Variants in COA6 observed in about 807,000 individuals in gnomAD.
COA6 encodes the protein cytochrome c oxidase assembly factor 6, also known as cytochrome c oxidase assembly factor 6 homolog.
A neutral mutation model predicts 17.1 loss-of-function variants in COA6; 12 were observed. The observed-to-expected ratio is 0.70, with a 90% CI of 0.45 to 1.14. The LOEUF (loss-of-function observed/expected upper bound fraction) is 1.14. Ranked by LOEUF, COA6 falls within the 50% of genes most tolerant of loss-of-function variation. The pLI is 0.00. For synonymous variants in COA6, 90 were observed against 73.4 expected (o/e 1.23, Z -1.16); for missense variants, 246 against 196.5 (o/e 1.25, Z -1.51).
At chr1:234,376,956 T>C (rs573701784) in intron 2 of COA6, among the ~76,000 whole-genome samples, 14 of 152,034 alleles carry the variant, frequency 9.2e-5, no homozygotes, top group Admixed American at 2.6e-4. Flanking sequence ...TTATTTCTCA[T>C]AGTGTTGGAG....
At chr1:234,379,956 T>A (rs1356294107) in intron 2 of COA6, among the ~76,000 whole-genome samples, 2 of 152,162 alleles carry the variant, frequency 1.3e-5, no homozygotes, top group Non-Finnish European at 2.9e-5. Context: ...CCTAACCATA[T>A]CAGATGGTGA....
At position 234,376,710 on chromosome 1, in the gene COA6, C is replaced by G. The variant is rs531149868; in HGVS notation, c.372+2321C>G. ...TCAGGTCTACTTGAATACAAAAGCCCTGTCTCCTTGGGTCTCTTTACGGTT... is the reference window on the plus strand; with the variant it reads ...TCAGGTCTACTTGAATACAAAAGCCGTGTCTCCTTGGGTCTCTTTACGGTT... On this transcript the variant is annotated intron_variant, in intron 2 of 2. Coordinates refer to ENST00000366615, the MANE Select transcript of COA6 (RefSeq NM_001206641.3). 2.6e-5 allele frequency among the ~76,000 whole-genome samples: 4 copies of G among 152,330 alleles called. No individual in the cohort carries two copies. The East Asian group carries it at 7.7e-4, about 29-fold the overall frequency.
intron 2 of COA6, among the ~76,000 whole-genome samples, chr1:234,377,074 G>A (rs1313717450): frequency 6.1e-5 from 6 of 98,378 alleles, no homozygotes; most frequent in South Asian, 3.1e-4. Context: ...GAGAGAGAGA[G>A]AGAGAGAGAG....
rs149071292 is a variant in COA6 at position 234,377,486 on chromosome 1, C to T, written c.372+3097C>T. ...TAGCAGGGCCCACACTCATGACCTG[C>T]ACCCAGTAGGCCTCTCCTCCCATGC... On this transcript the variant is annotated intron_variant, in intron 2 of 2. Transcript: ENST00000366615. 4.5e-3 allele frequency among the ~76,000 whole-genome samples: 684 copies of T among 152,252 alleles called. 11 individuals are homozygous for T. The highest frequency in any genetic ancestry group is 0.015 in the African/African-American group (641 of 41,534).
intron 1 of COA6, 122 bp downstream of exon 1, chr1:234,373,800 G>A: frequency 6.2e-7 from 1 of 1,613,702 alleles, no homozygotes; most frequent in Non-Finnish European, 8.5e-7. Flanking sequence ...TCGCCTGCTT[G>A]GTGATTGTGG....
chr1:234,374,113 T>G (rs1572169730), intron 1 of COA6, 117 bp from the exon 2 acceptor site: 2 of 50,732 alleles, frequency 3.9e-5, no homozygotes, highest in South Asian at 3.6e-4. Flanking sequence ...TTTGTTTTTG[T>G]TTTTTTTTTT....
rs779698158 is a variant in COA6, at chr1:234,373,525, G to T, written c.59G>T (p.Arg20Leu). Residue 20 changes from arginine (R) to leucine (L), a missense_variant, in exon 1 of 3, where the codon CGG (arginine) becomes CTG (leucine). Coordinates refer to ENST00000366615, the MANE Select transcript of COA6 (RefSeq NM_001206641.3). Reference sequence around the variant, plus strand: ...TTTCGCCGCGTGAGTTGCTTTTTGCGGCTGGGGAGGTCTACGCTTCTAGAG... The same window carrying T: ...TTTCGCCGCGTGAGTTGCTTTTTGCTGCTGGGGAGGTCTACGCTTCTAGAG... ...PRFRRVSCFL[R>L]LGRSTLLELE... 5.0e-6 allele frequency: 8 copies of T among 1,607,528 alleles called. No homozygotes were observed. Among genetic ancestry groups the T allele is most frequent in the Non-Finnish European group, 5.9e-6 (7 of 1,177,410 alleles).
chr1:234,384,222 A>G lies in COA6; in HGVS notation c.*404A>G, dbSNP rs1659064090. Reference sequence around the variant, plus strand: ...GAGGGTTTGTGGAAGGTTTATAAGGAAGAAGGGTGAACTTAAAATATACAA... The same window carrying G: ...GAGGGTTTGTGGAAGGTTTATAAGGGAGAAGGGTGAACTTAAAATATACAA... On this transcript the variant is annotated 3_prime_UTR_variant, in exon 3 of 3. Coordinates refer to ENST00000366615, the MANE Select transcript of COA6 (RefSeq NM_001206641.3). Among the ~76,000 whole-genome samples, 1 of 152,150 alleles carries G rather than the reference A, an allele frequency of 6.6e-6. No homozygotes were observed. The highest frequency in any genetic ancestry group is 1.9e-4 in the East Asian group (1 of 5,198).
intron 2 of COA6, among the ~76,000 whole-genome samples, chr1:234,379,519 C>T (rs55884696): frequency 0.28 from 42,206 of 151,964 alleles, 6,849 homozygotes; most frequent in Admixed American, 0.38. Context: ...TGAAATTACC[C>T]GCGAGTTTTG....
In COA6 at chr1:234,377,088, G is replaced by C. The variant is rs1272744991; in HGVS notation, c.372+2699G>C. ...AGAGAGAGAGAGAGAGAGAGAGAGA[G>C]AGAGAGAGAGAGATCCAGTCTCTGT... On this transcript the variant is annotated intron_variant, in intron 2 of 2. Transcript: ENST00000366615. 8.9e-5 allele frequency among the ~76,000 whole-genome samples: 6 copies of C among 67,574 alleles called. 1 individual carries two copies. The highest frequency in any genetic ancestry group is 2.9e-4 in the African/African-American group (6 of 20,696). The allele number at this position is 67,574 out of a possible 152,430, so 44.3% of individuals were successfully genotyped here. A position where few individuals can be genotyped will look rare whatever the true frequency, so the allele number is the denominator to read the frequency against.
chr1:234,374,518 C>G (rs1422745377), intron 2 of COA6, 129 bp downstream of exon 2: 29 of 853,744 alleles, frequency 3.4e-5, no homozygotes, highest in Non-Finnish European at 2.9e-5. Flanking sequence ...GCAGAGAAAA[C>G]CTTGCCTGGT....
Position 234,374,516 on chromosome 1 carries a change from A to G in COA6, c.372+127A>G, listed in dbSNP as rs4300255. 393,545 of 916,086 alleles carry G rather than the reference A, an allele frequency of 0.43. 87,962 individuals carry two copies. Among genetic ancestry groups the G allele is most frequent in the African/African-American group, 0.7 (41,526 of 59,338 alleles). The allele number at this position is 916,086 out of a possible 1,614,324, so 56.7% of individuals were successfully genotyped here. A position where few individuals can be genotyped will look rare whatever the true frequency, so the allele number is the denominator to read the frequency against. On this transcript the variant is annotated intron_variant, in intron 2 of 2. Coordinates refer to ENST00000366615, the MANE Select transcript of COA6 (RefSeq NM_001206641.3). ...AACAGTTTCTTTGAGGCGCAGAGAA[A>G]ACCTTGCCTGGTAATTCAGCCTTAT...
At chr1:234,377,454 A>C (rs1176034825) in intron 2 of COA6, among the ~76,000 whole-genome samples, 1 of 152,072 alleles carries the variant, frequency 6.6e-6, no homozygotes, top group Non-Finnish European at 1.5e-5. Context: ...CATTAATCCC[A>C]TCAGGTTAGC....
chr1:234,382,393 AT>A (rs955389493), intron 2 of COA6, among the ~76,000 whole-genome samples: 1 of 152,190 alleles, frequency 6.6e-6, no homozygotes, highest in African/African-American at 2.4e-5. Context: ...CAAACAGCAA[AT>A]TTCTGGTAGT....
rs1461457528 is a variant in COA6 at position 234,384,957 on chromosome 1, T to TAGA, written c.*1142_*1144dup. Among the ~76,000 whole-genome samples, 1 of 152,232 alleles carries TAGA rather than the reference T, an allele frequency of 6.6e-6. No individual in the cohort carries two copies. The highest frequency in any genetic ancestry group is 6.5e-5 in the Admixed American group (1 of 15,282). ...AAATGTTTTGGTTTTCCAGTACACA[T>TAGA]AGAAGTTATGTTTATACTGTTGTCT... On this transcript the variant is annotated 3_prime_UTR_variant, in exon 3 of 3. Coordinates refer to ENST00000366615, the MANE Select transcript of COA6 (RefSeq NM_001206641.3).
chr1:234,381,141 A>G (rs1464614621), intron 2 of COA6, among the ~76,000 whole-genome samples: 1 of 152,154 alleles, frequency 6.6e-6, no homozygotes, highest in Non-Finnish European at 1.5e-5. Flanking sequence ...AAATTCATAT[A>G]TTGTCTTTTT....
chr1:234,374,508 G>T (rs1448527658), intron 2 of COA6, 119 bp downstream of exon 2: 4 of 1,033,188 alleles, frequency 3.9e-6, no homozygotes, highest in East Asian at 2.5e-5. Flanking sequence ...TCTTTGAGGC[G>T]CAGAGAAAAC....
At chr1:234,376,933 A>G (rs1658816170) in intron 2 of COA6, among the ~76,000 whole-genome samples, 1 of 151,964 alleles carries the variant, frequency 6.6e-6, no homozygotes, top group South Asian at 2.1e-4. Context: ...ATAACAAAAT[A>G]CCTTAGAGAA....
At chr1:234,379,532 C>G (rs1321005434) in intron 2 of COA6, among the ~76,000 whole-genome samples, 1 of 152,078 alleles carries the variant, frequency 6.6e-6, no homozygotes, top group Non-Finnish European at 1.5e-5. Flanking sequence ...GAGTTTTGAC[C>G]TGAGTACCCA....
Sources: allele counts gnomAD v4.1 joint callset (sites outside exome capture counted in the v4.1 genomes callset), GRCh38; gene constraint gnomAD v4.1.1; transcripts MANE v1.5; gene names NCBI Gene and HGNC (gene_info 2026-07-23, HGNC 2026-07-21).